Variants in RAET1L observed in about 807,000 individuals in gnomAD.
RAET1L encodes the protein retinoic acid early transcript 1L, also known as UL16-binding protein 6.
A neutral mutation model predicts 23.9 loss-of-function variants in RAET1L; 16 were observed. That is an observed-to-expected ratio of 0.67 (90% CI 0.45 to 1.02). RAET1L has a LOEUF of 1.02. Among genes scored for constraint, RAET1L ranks in the 50% least tolerant of loss-of-function variants. RAET1L has a pLI of 0.00. For missense variants in RAET1L, 233 were observed against 304.0 expected (o/e 0.77, Z 1.74); for synonymous variants, 70 against 111.2 (o/e 0.63, Z 2.33).
intron 3 of RAET1L, 82 bp from the exon 4 acceptor site, chr6:150,020,321 G>C (rs1779869331): frequency 1.7e-5 from 27 of 1,563,414 alleles, no homozygotes; most frequent in Non-Finnish European, 2.4e-5. Context: ...GCCACCCTAG[G>C]TCATCCTGGA....
intron 3 of RAET1L, 150 bp downstream of exon 3, chr6:150,020,755 G>C: frequency 7.6e-7 from 1 of 1,313,512 alleles, no homozygotes; most frequent in Non-Finnish European, 1.0e-6. Flanking sequence ...GCACAGGCAT[G>C]CCAGTAACCC....
chr6:150,021,509 C>G (rs964023252), intron 2 of RAET1L, among the ~76,000 whole-genome samples: 5 of 144,918 alleles, frequency 3.5e-5, no homozygotes, highest in Non-Finnish European at 6.1e-5. Flanking sequence ...CTGTGTTAAC[C>G]AGGATGGTCT....
chr6:150,020,989 G>A lies in RAET1L; in HGVS notation c.547C>T (p.His183Tyr), dbSNP rs1287911771. Reference sequence around the variant, plus strand: ...ATGCAGTCTCCCATTGAGATGTAATGGAAGGACATGGCCACATCCTTGTCA... The same window carrying A: ...ATGCAGTCTCCCATTGAGATGTAATAGAAGGACATGGCCACATCCTTGTCA... ...ENDKDVAMSF[H>Y]YISMGDCIGW... is the part of the protein sequence containing the mutation. Residue 183 changes from histidine (H) to tyrosine (Y), a missense_variant, in exon 3 of 5, where the codon CAT (histidine) becomes TAT (tyrosine). This residue lies in a region of RAET1L where 139 missense variants were observed against 125.3 expected (regional missense o/e 1.11). Transcript: ENST00000367341. 1.2e-6 allele frequency: 2 copies of A among 1,614,086 alleles called. No homozygotes were observed. The highest frequency in any genetic ancestry group is 1.1e-5 in the South Asian group (1 of 91,078).
chr6:150,024,195 C>T (rs1271863809), intron 1 of RAET1L, among the ~76,000 whole-genome samples: 2 of 152,144 alleles, frequency 1.3e-5, no homozygotes, highest in Admixed American at 6.5e-5. Context: ...AACTATGGGA[C>T]CCCCACTCCC....
chr6:150,019,311 G>A (rs1779858778), intron 4 of RAET1L, among the ~76,000 whole-genome samples: 2 of 152,152 alleles, frequency 1.3e-5, no homozygotes, highest in African/African-American at 2.4e-5. Context: ...AGTTCTGAAG[G>A]TGACTGTCCC....
chr6:150,024,748 C>T (rs936861290), intron 1 of RAET1L, among the ~76,000 whole-genome samples: 29 of 151,828 alleles, frequency 1.9e-4, no homozygotes, highest in African/African-American at 7.0e-4. Context: ...GGTGAGGTAC[C>T]CTTCATGGAT....
intron 2 of RAET1L, among the ~76,000 whole-genome samples, chr6:150,021,462 G>A (rs1380298723): frequency 1.5e-5 from 2 of 136,882 alleles, no homozygotes; most frequent in Non-Finnish European, 3.2e-5. Context: ...ACCATACCCG[G>A]CTATTTTTTT....
chr6:150,021,862 G>T (rs1297545902), intron 2 of RAET1L, 118 bp downstream of exon 2: 2 of 1,265,614 alleles, frequency 1.6e-6, no homozygotes, highest in Non-Finnish European at 2.3e-6. Flanking sequence ...AAAGTGCTGG[G>T]ACTACAGGCG....
intron 2 of RAET1L, 128 bp downstream of exon 2, chr6:150,021,852 A>G: frequency 3.9e-6 from 5 of 1,270,366 alleles, no homozygotes; most frequent in Non-Finnish European, 5.6e-6. Flanking sequence ...TCTACCTCAC[A>G]AAGTGCTGGG....
In RAET1L at chr6:150,018,351, T is replaced by C. The variant is rs896478572; in HGVS notation, c.*527A>G. On this transcript the variant is annotated 3_prime_UTR_variant, in exon 5 of 5. Coordinates refer to ENST00000367341, the MANE Select transcript of RAET1L (RefSeq NM_130900.3). ...TCAGTAGGTTTTTGGGAAATATAACTCTTTATTTAAATATCAGTACACAGC... is the reference window on the plus strand; with the variant it reads ...TCAGTAGGTTTTTGGGAAATATAACCCTTTATTTAAATATCAGTACACAGC... 31 of 152,170 alleles carry C rather than the reference T, an allele frequency of 2.0e-4. No homozygotes were observed. The highest frequency in any genetic ancestry group is 4.0e-4 in the Non-Finnish European group (27 of 68,018). The allele number at this position is 152,170 out of a possible 1,614,324, so 9.4% of individuals were successfully genotyped here.
intron 3 of RAET1L, among the ~76,000 whole-genome samples, 183 bp from the exon 4 acceptor site, chr6:150,020,422 C>T (rs1204212660): frequency 6.6e-6 from 1 of 152,050 alleles, no homozygotes; most frequent in East Asian, 1.9e-4. Flanking sequence ...GTCTTGTCCT[C>T]AGGGAGCTCA....
chr6:150,020,315 C>G, intron 3 of RAET1L, 76 bp from the exon 4 acceptor site: 1 of 1,544,602 alleles, frequency 6.5e-7, no homozygotes, highest in Non-Finnish European at 8.8e-7. Flanking sequence ...GTTCCTGCCA[C>G]CCTAGGTCAT....
At position 150,018,396 on chromosome 6, in the gene RAET1L, C is replaced by T. The variant is rs1779846072; in HGVS notation, c.*482G>A. The T allele has an allele frequency of 6.6e-6, 1 of 152,052 alleles. No homozygotes were observed. The highest frequency in any genetic ancestry group is 6.6e-5 in the Admixed American group (1 of 15,266). 9.4% of individuals were successfully genotyped at this position (152,052 alleles called of 1,614,324 possible). A position where few individuals can be genotyped will look rare whatever the true frequency, so the allele number is the denominator to read the frequency against. On this transcript the variant is annotated 3_prime_UTR_variant, in exon 5 of 5. Transcript: ENST00000367341. ...CACAGCAATAAATTACTAAAGGAAA[C>T]AATCATTAATATAAATTTTTTTCTT... is the stretch of plus-strand genomic sequence containing the variant.
chr6:150,019,218 CT>C (rs985623592), intron 4 of RAET1L, among the ~76,000 whole-genome samples: 2 of 152,238 alleles, frequency 1.3e-5, no homozygotes, highest in African/African-American at 2.4e-5. Context: ...TTCCTGTGCC[CT>C]TGGCCTTTGG....
chr6:150,020,519 G>A (rs1448392549), intron 3 of RAET1L, among the ~76,000 whole-genome samples: 3 of 152,176 alleles, frequency 2.0e-5, no homozygotes, highest in Non-Finnish European at 4.4e-5. Context: ...GTTGGGGAGG[G>A]GAGGATCTCT....
chr6:150,025,326 T>G, intron 1 of RAET1L, 61 bp downstream of exon 1: 4 of 1,415,976 alleles, frequency 2.8e-6, no homozygotes, highest in Non-Finnish European at 4.0e-6. Flanking sequence ...TGAAACCCGC[T>G]GCAGTCCACA....
intron 2 of RAET1L, 53 bp downstream of exon 2, chr6:150,021,927 T>C (rs1162832233): frequency 1.2e-6 from 2 of 1,607,394 alleles, no homozygotes; most frequent in Non-Finnish European, 1.7e-6. Flanking sequence ...TATAAATGCC[T>C]CTAACCTACC....
At chr6:150,023,389 C>T (rs1409152398) in intron 1 of RAET1L, among the ~76,000 whole-genome samples, 1 of 151,732 alleles carries the variant, frequency 6.6e-6, no homozygotes, top group Non-Finnish European at 1.5e-5. Flanking sequence ...GAAGCCACTT[C>T]TCAGACCCTG....
At position 150,021,085 on chromosome 6, in the gene RAET1L, A is replaced by G. The variant is rs139656748; in HGVS notation, c.451T>C (p.Phe151Leu). Residue 151 changes from phenylalanine to leucine, a missense_variant, in exon 3 of 5, where the codon TTT (phenylalanine) becomes CTT (leucine). By Grantham distance (22) the Phe-to-Leu change is conservative. Around this residue, in one of 4 missense-constraint regions of RAET1L, gnomAD observed 139 missense variants for 125.3 expected, o/e 1.11. Transcript: ENST00000367341. ...FSIDGQTFLL[F>L]DSEKRMWTTV... ...GTCCACATTCTCTTCTCTGAGTCAA[A>G]GAGTAGGAAGGTCTGTCCATCGATA... The G allele has an allele frequency of 5.1e-4, 819 of 1,614,012 alleles. No homozygotes were observed. Among genetic ancestry groups the G allele is most frequent in the Non-Finnish European group, 6.6e-4 (774 of 1,180,018 alleles).
Sources: gnomAD v4.1 joint callset for allele counts (sites outside exome capture counted in the v4.1 genomes callset) on GRCh38, gnomAD v4.1.1 for gene constraint, gnomAD v4.1.1 regional missense constraint, MANE v1.5 for transcripts, NCBI Gene and HGNC (gene_info 2026-07-23, HGNC 2026-07-21) for gene names.